STARD13: variants seen among roughly 807,000 people sequenced by gnomAD.
The protein encoded by STARD13 is stAR-related lipid transfer protein 13.
A neutral mutation model predicts 106.4 loss-of-function variants in STARD13; 62 were observed. The ratio of observed to expected loss-of-function variants is 0.58; its 90% CI spans 0.48 to 0.72. The LOEUF is 0.72. Ranked by LOEUF, STARD13 falls within the 30% of genes least tolerant of loss-of-function variation. The pLI is 0.00. For synonymous variants in STARD13, 565 were observed against 553.0 expected (o/e 1.02, Z -0.31); for missense variants, 1,387 against 1,424.0 (o/e 0.97, Z 0.42).
chr13:33,339,091 G>C (rs2077930729), intron 1 of STARD13, among the ~76,000 whole-genome samples: 1 of 152,078 alleles, frequency 6.6e-6, no homozygotes, highest in African/African-American at 2.4e-5. Context: ...ACTGTGCTAA[G>C]TTCTTTGCAA....
At chr13:33,393,817 G>A in the STARD13 span, among the ~76,000 whole-genome samples, 1 of 152,202 alleles carries the variant, frequency 6.6e-6, no homozygotes, top group African/African-American at 2.4e-5. Context: ...CCCACATTGT[G>A]CTTTGACTTC....
At chr13:33,597,796 G>A in the STARD13 span, among the ~76,000 whole-genome samples, 1 of 151,930 alleles carries the variant, frequency 6.6e-6, no homozygotes, top group Non-Finnish European at 1.5e-5. Flanking sequence ...AGAGGTTGTG[G>A]CGAGCTGAGA....
intron 1 of STARD13, among the ~76,000 whole-genome samples, chr13:33,219,668 G>A (rs1353481248): frequency 1.3e-5 from 2 of 151,478 alleles, no homozygotes; most frequent in Admixed American, 6.6e-5. Context: ...CCCTGGGCAC[G>A]GTGGTGCATG....
At chr13:33,304,064 G>A (rs1373236932) in intron 1 of STARD13, among the ~76,000 whole-genome samples, 1 of 152,172 alleles carries the variant, frequency 6.6e-6, no homozygotes, top group Non-Finnish European at 1.5e-5. Flanking sequence ...TTCTAATGTA[G>A]CTCATTTTTT....
chr13:33,278,053 T>C (rs1376519157), intron 1 of STARD13, among the ~76,000 whole-genome samples: 2 of 152,200 alleles, frequency 1.3e-5, no homozygotes, highest in East Asian at 1.9e-4. Flanking sequence ...AAGGGAAGCG[T>C]AGGCCACATA....
the STARD13 span, among the ~76,000 whole-genome samples, chr13:33,418,704 T>C: frequency 3.3e-5 from 5 of 152,136 alleles, no homozygotes; most frequent in Non-Finnish European, 7.4e-5. Flanking sequence ...AACAGACACC[T>C]CATACAGGCG....
intron 5 of STARD13, 80 bp from the exon 6 acceptor site, chr13:33,127,626 C>T (rs1877409452): frequency 4.3e-6 from 6 of 1,380,518 alleles, no homozygotes; most frequent in Non-Finnish European, 2.9e-6. Context: ...CCAAGGTACA[C>T]GCAGCTAATC....
the STARD13 span, among the ~76,000 whole-genome samples, chr13:33,528,226 G>GTGTATATATATATACA: frequency 9.9e-6 from 1 of 101,024 alleles, no homozygotes; most frequent in African/African-American, 6.0e-5. Flanking sequence ...GTGTGTGTGT[G>GTGTATATATATATACA]TATATATATA....
the STARD13 span, among the ~76,000 whole-genome samples, chr13:33,393,268 G>A: frequency 2.0e-5 from 3 of 152,188 alleles, no homozygotes; most frequent in South Asian, 6.2e-4. Context: ...GCAGCTCTAG[G>A]GGAGGGCATT....
chr13:33,454,766 A>G, the STARD13 span, among the ~76,000 whole-genome samples: 1 of 152,238 alleles, frequency 6.6e-6, no homozygotes, highest in South Asian at 2.1e-4. Flanking sequence ...CATTTTGCTA[A>G]AAGTAGAAAA....
intron 1 of STARD13, among the ~76,000 whole-genome samples, chr13:33,299,547 AC>A (rs1468364176): frequency 6.6e-6 from 1 of 152,210 alleles, no homozygotes; most frequent in African/African-American, 2.4e-5. Context: ...ATAATGAAAC[AC>A]AACAAAACAA....
At chr13:33,227,632 C>A (rs1196034079) in intron 1 of STARD13, among the ~76,000 whole-genome samples, 2 of 152,066 alleles carry the variant, frequency 1.3e-5, no homozygotes, top group African/African-American at 2.4e-5. Flanking sequence ...TCCAAATACC[C>A]TGAAAAAGGT....
chr13:33,200,667 G>T (rs1886953512), intron 1 of STARD13, among the ~76,000 whole-genome samples: 2 of 152,202 alleles, frequency 1.3e-5, no homozygotes, highest in African/African-American at 4.8e-5. Context: ...TGAAGCAGAG[G>T]ACTTGCACCC....
intron 1 of STARD13, among the ~76,000 whole-genome samples, chr13:33,304,381 T>C (rs546010910): frequency 6.6e-6 from 1 of 152,318 alleles, no homozygotes; most frequent in African/African-American, 2.4e-5. Context: ...TTTAAACTCT[T>C]GTAGGAATGT....
At chr13:33,496,407 A>T in the STARD13 span, among the ~76,000 whole-genome samples, 1 of 151,698 alleles carries the variant, frequency 6.6e-6, no homozygotes, top group East Asian at 1.9e-4. Flanking sequence ...TATTACTATT[A>T]TTAATTTATT....
the STARD13 span, among the ~76,000 whole-genome samples, chr13:33,407,182 G>A: frequency 6.6e-6 from 1 of 152,186 alleles, no homozygotes; most frequent in Admixed American, 6.5e-5. Flanking sequence ...AAAGGCATGT[G>A]GTCTCTGAAT....
chr13:33,349,292 C>T (rs2078047473), intron 1 of STARD13: 1 of 698,666 alleles, frequency 1.4e-6, no homozygotes, highest in Non-Finnish European at 2.6e-6. Context: ...AATCATGCTT[C>T]CCCCAGTCCC....
chr13:33,511,946 G>GA, the STARD13 span, among the ~76,000 whole-genome samples: 5 of 151,922 alleles, frequency 3.3e-5, no homozygotes, highest in African/African-American at 9.7e-5. Flanking sequence ...AGCTCTTATA[G>GA]AAAAAAAATT....
At chr13:33,665,995 A>C in the STARD13 span, among the ~76,000 whole-genome samples, 2 of 152,184 alleles carry the variant, frequency 1.3e-5, no homozygotes, top group Non-Finnish European at 2.9e-5. Context: ...ACCAAGGCAC[A>C]AAAAGACCTC....
Sources: allele counts gnomAD v4.1 joint callset (sites outside exome capture counted in the v4.1 genomes callset), GRCh38; gene constraint gnomAD v4.1.1; transcripts MANE v1.5; gene names NCBI Gene and HGNC (gene_info 2026-07-23, HGNC 2026-07-21).